The following CCSER1 variants were observed in gnomAD, a reference collection of about 807,000 sequenced individuals.
The protein encoded by CCSER1 is coiled-coil serine rich protein 1, also known as serine-rich coiled-coil domain-containing protein 1.
Under a neutral mutation model 82.0 loss-of-function variants are expected in CCSER1, and 41 were observed. That is an observed-to-expected ratio of 0.50 (90% CI 0.39 to 0.65). CCSER1 has a LOEUF of 0.65. Among genes scored for constraint, CCSER1 ranks in the 30% least tolerant of loss-of-function variants. The pLI, the probability that CCSER1 is intolerant of heterozygous loss-of-function variation, is 0.00. For synonymous variants in CCSER1, 414 were observed against 383.9 expected, an observed-to-expected ratio of 1.08 and a Z score of -0.92; for missense variants, 1,119 against 1,064.2, an observed-to-expected ratio of 1.05 and a Z score of -0.72.
chr4:90,262,844 C>T (rs1010677537), intron 1 of CCSER1, among the ~76,000 whole-genome samples: 2 of 152,086 alleles, frequency 1.3e-5, no homozygotes, highest in Non-Finnish European at 2.9e-5. Context: ...CATTGATATT[C>T]CAAGTAGAGA....
At chr4:90,200,061 G>GACACACACACACACACACACACACACAC in intron 1 of CCSER1, among the ~76,000 whole-genome samples, 1 of 144,954 alleles carries the variant, frequency 6.9e-6, no homozygotes, top group East Asian at 2.1e-4. Context: ...CGTGCACGCA[G>GACACACACACACACACACACACACACAC]ACACACACAC....
intron 1 of CCSER1, among the ~76,000 whole-genome samples, chr4:90,226,070 A>G (rs1034798185): frequency 6.6e-6 from 1 of 152,168 alleles, no homozygotes; most frequent in African/African-American, 2.4e-5. Context: ...GGAGAATGAG[A>G]GAGATGCCTG....
intron 6 of CCSER1, among the ~76,000 whole-genome samples, chr4:90,642,711 C>T (rs747984003): frequency 6.6e-6 from 1 of 152,022 alleles, no homozygotes; most frequent in Non-Finnish European, 1.5e-5. Context: ...GAGGCACACA[C>T]TTGTAGTCTC....
chr4:90,882,353 A>G (rs1188599347), intron 8 of CCSER1, among the ~76,000 whole-genome samples: 1 of 151,998 alleles, frequency 6.6e-6, no homozygotes, highest in Non-Finnish European at 1.5e-5. Context: ...ACCCTAAACA[A>G]AGCACAAAAT....
chr4:91,587,745 G>T (rs28671494), intron 10 of CCSER1, among the ~76,000 whole-genome samples: 6,739 of 151,564 alleles, frequency 0.044, 322 homozygotes, highest in African/African-American at 0.12. Context: ...GCATGAAAAT[G>T]AAAGGTGATA....
At chr4:91,348,791 G>A (rs777302223) in intron 10 of CCSER1, among the ~76,000 whole-genome samples, 8 of 152,108 alleles carry the variant, frequency 5.3e-5, no homozygotes, top group African/African-American at 7.2e-5. Context: ...GTTCAGTAAT[G>A]ATAGTTGCTT....
intron 1 of CCSER1, among the ~76,000 whole-genome samples, chr4:90,156,760 T>C (rs1309521940): frequency 6.6e-6 from 1 of 152,032 alleles, no homozygotes; most frequent in Non-Finnish European, 1.5e-5. Context: ...TTTGAGCCTA[T>C]GTGTGTCTCT....
intron 10 of CCSER1, among the ~76,000 whole-genome samples, chr4:91,093,513 C>A (rs1724187435): frequency 6.6e-6 from 1 of 152,162 alleles, no homozygotes; most frequent in South Asian, 2.1e-4. Flanking sequence ...ACATGGGGGA[C>A]CTTTATACTT....
chr4:90,943,754 TTTTTGGAGA>T (rs1731885837), intron 9 of CCSER1, among the ~76,000 whole-genome samples: 1 of 98,068 alleles, frequency 1.0e-5, no homozygotes, highest in African/African-American at 3.4e-5. Flanking sequence ...TTTTTTTTTT[TTTTTGGAGA>T]TGGGGTCTCA....
intron 3 of CCSER1, among the ~76,000 whole-genome samples, chr4:90,327,043 C>A (rs1302593318): frequency 1.3e-5 from 2 of 152,076 alleles, no homozygotes; most frequent in Admixed American, 1.3e-4. Context: ...CTAGTGAAAA[C>A]CCTTCAGTTT....
chr4:90,128,214 C>T (rs1456361278), intron 1 of CCSER1, among the ~76,000 whole-genome samples: 1 of 152,088 alleles, frequency 6.6e-6, no homozygotes, highest in African/African-American at 2.4e-5. Context: ...ACTCGCGTCC[C>T]GCAGGTAGAG....
At chr4:91,070,094 C>G (rs945297549) in intron 9 of CCSER1, among the ~76,000 whole-genome samples, 3 of 151,966 alleles carry the variant, frequency 2.0e-5, no homozygotes, top group Non-Finnish European at 2.9e-5. Flanking sequence ...ATGCCATTCT[C>G]CTGCCTCAGC....
intron 3 of CCSER1, among the ~76,000 whole-genome samples, chr4:90,359,127 A>G (rs1744855364): frequency 6.6e-6 from 1 of 152,174 alleles, no homozygotes; most frequent in South Asian, 2.1e-4. Flanking sequence ...AGATTAACAG[A>G]AGGGGTGATA....
intron 9 of CCSER1, among the ~76,000 whole-genome samples, chr4:91,084,026 G>A (rs1723098918): frequency 6.6e-6 from 1 of 152,034 alleles, no homozygotes; most frequent in African/African-American, 2.4e-5. Flanking sequence ...TGCTTTCTGG[G>A]TTCAAGCTAT....
chr4:90,641,870 G>C, intron 6 of CCSER1: 2 of 256,844 alleles, frequency 7.8e-6, no homozygotes, highest in South Asian at 3.8e-5. Flanking sequence ...ATCTATTTGT[G>C]TTATTATCAT....
intron 9 of CCSER1, among the ~76,000 whole-genome samples, chr4:91,050,263 TC>T (rs1286159803): frequency 6.6e-6 from 1 of 152,072 alleles, no homozygotes; most frequent in Non-Finnish European, 1.5e-5. Context: ...AAACCCTGTC[TC>T]TATTAAAAAT....
At chr4:91,252,816 T>TA (rs1379194867) in intron 10 of CCSER1, among the ~76,000 whole-genome samples, 2 of 151,778 alleles carry the variant, frequency 1.3e-5, no homozygotes, top group Non-Finnish European at 1.5e-5. Context: ...TTTCTCATTT[T>TA]AAAAAAAATG....
chr4:91,148,178 C>T (rs760055225), intron 10 of CCSER1, among the ~76,000 whole-genome samples: 8 of 152,046 alleles, frequency 5.3e-5, no homozygotes, highest in South Asian at 2.1e-4. Context: ...TCATAGCAAC[C>T]CTTAAAGATA....
chr4:90,938,697 A>G (rs1382656554), intron 9 of CCSER1: 1 of 413,088 alleles, frequency 2.4e-6, no homozygotes, highest in Non-Finnish European at 4.9e-6. Flanking sequence ...TCCTACATGC[A>G]CTGAAGGTTT....
Sources: gnomAD v4.1 joint callset for allele counts (sites outside exome capture counted in the v4.1 genomes callset) on GRCh38, gnomAD v4.1.1 for gene constraint, MANE v1.5 for transcripts, NCBI Gene and HGNC (gene_info 2026-07-23, HGNC 2026-07-21) for gene names.